Variants in CSMD1 observed in about 807,000 individuals in gnomAD.
CSMD1 encodes the protein CUB and sushi domain-containing protein 1.
CSMD1 carries 213 observed loss-of-function variants against 417.5 expected under a neutral mutation model. The observed-to-expected ratio is 0.51, with a 90% CI of 0.46 to 0.57. The LOEUF is 0.57. CSMD1 is among the 20% of genes least tolerant of loss of function. CSMD1 has a pLI of 0.00. For missense variants in CSMD1, 6,923 were observed against 4,529.7 expected, an observed-to-expected ratio of 1.53 and a Z score of -15.17; for synonymous variants, 2,862 against 1,736.8, an observed-to-expected ratio of 1.65 and a Z score of -16.11.
At chr8:3,845,076 T>A (rs1309264346) in intron 5 of CSMD1, among the ~76,000 whole-genome samples, 1 of 152,180 alleles carries the variant, frequency 6.6e-6, no homozygotes, top group African/African-American at 2.4e-5. Flanking sequence ...ATATTATAGT[T>A]TAAAATGCAT....
At chr8:4,113,060 A>G (rs138136005) in intron 3 of CSMD1, among the ~76,000 whole-genome samples, 19 of 152,294 alleles carry the variant, frequency 1.2e-4, no homozygotes, top group Non-Finnish European at 2.8e-4. Flanking sequence ...TGGGGATGCC[A>G]CAAACACCCC....
intron 3 of CSMD1, among the ~76,000 whole-genome samples, chr8:4,403,510 C>T (rs1257753204): frequency 6.6e-6 from 1 of 152,152 alleles, no homozygotes; most frequent in Non-Finnish European, 1.5e-5. Flanking sequence ...CACCTCTCCT[C>T]ATCAGTCATG....
rs1455553227 is a variant in CSMD1, at chr8:3,983,167, G to A, written c.818+14736C>T. On this transcript the variant is annotated intron_variant, in intron 5 of 69. Coordinates refer to ENST00000635120, the MANE Select transcript of CSMD1 (RefSeq NM_033225.6). ...TTTTTTTGAGACGGACTCTCGCTCT[G>A]TCACCCAGGCTGGAGTGCAGTGGCG... Among the ~76,000 whole-genome samples, 16 of 135,160 alleles carry A rather than the reference G, an allele frequency of 1.2e-4. No individual in the cohort carries two copies. In the Admixed American group the frequency reaches 1.3e-3, roughly 11 times the overall value. 88.7% of individuals were successfully genotyped at this position (135,160 alleles called of 152,430 possible). A position where few individuals can be genotyped will look rare whatever the true frequency, so the allele number is the denominator to read the frequency against.
rs532046970 is a variant in CSMD1, at chr8:4,431,325, T to A, written c.303-11260A>T. Reference sequence around the variant, plus strand: ...CTGTATTTTTACTTCGTGATTTTCTTAAGGGTGAACCTAACGTCTATAAAA... The same window carrying A: ...CTGTATTTTTACTTCGTGATTTTCTAAAGGGTGAACCTAACGTCTATAAAA... On this transcript the variant is annotated intron_variant, in intron 2 of 69. Coordinates refer to ENST00000635120, the MANE Select transcript of CSMD1 (RefSeq NM_033225.6). 7.2e-4 allele frequency among the ~76,000 whole-genome samples: 109 copies of A among 152,324 alleles called. 3 individuals carry two copies. In the South Asian group the frequency reaches 0.013, roughly 19 times the overall value.
At chr8:4,412,995 A>T (rs924661431) in intron 3 of CSMD1, among the ~76,000 whole-genome samples, 5 of 152,352 alleles carry the variant, frequency 3.3e-5, no homozygotes, top group Non-Finnish European at 7.3e-5. Context: ...TTCAGTAGTT[A>T]TGAGATTTTT....
intron 6 of CSMD1, among the ~76,000 whole-genome samples, chr8:3,721,105 G>A (rs967946425): frequency 6.6e-6 from 1 of 152,130 alleles, no homozygotes; most frequent in African/African-American, 2.4e-5. Flanking sequence ...TTACAGGTGT[G>A]AGCCACCATG....
At chr8:4,057,973 C>A (rs543678549) in intron 3 of CSMD1, among the ~76,000 whole-genome samples, 1 of 150,952 alleles carries the variant, frequency 6.6e-6, no homozygotes, top group Non-Finnish European at 1.5e-5. Context: ...AGGGTGATGC[C>A]TCCAGCTTTG....
intron 3 of CSMD1, among the ~76,000 whole-genome samples, chr8:4,042,447 G>T (rs1024549045): frequency 6.6e-6 from 1 of 151,950 alleles, no homozygotes; most frequent in Non-Finnish European, 1.5e-5. Flanking sequence ...AAATTTATAT[G>T]ACAAAAATAT....
At chr8:4,019,755 A>T (rs1291048933) in intron 4 of CSMD1, among the ~76,000 whole-genome samples, 4 of 151,968 alleles carry the variant, frequency 2.6e-5, no homozygotes, top group Non-Finnish European at 4.4e-5. Flanking sequence ...AGTTTTCCCA[A>T]TATTTCTGTC....
intron 12 of CSMD1, among the ~76,000 whole-genome samples, chr8:3,419,707 C>G (rs923224099): frequency 1.3e-5 from 2 of 152,158 alleles, no homozygotes; most frequent in Non-Finnish European, 2.9e-5. Context: ...CTACAACGTT[C>G]TAATCAAATA....
chr8:4,442,631 G>A (rs1367514022), intron 2 of CSMD1, among the ~76,000 whole-genome samples: 1 of 152,190 alleles, frequency 6.6e-6, no homozygotes, highest in Non-Finnish European at 1.5e-5. Flanking sequence ...CCTCTGGATT[G>A]CTGGGGATTC....
chr8:3,412,836 G>A (rs1179973099), intron 12 of CSMD1, among the ~76,000 whole-genome samples: 3 of 152,242 alleles, frequency 2.0e-5, no homozygotes, highest in Admixed American at 6.5e-5. Flanking sequence ...CCTTGAATGA[G>A]CGTCTGTCAC....
chr8:4,218,492 T>G (rs1031987355), intron 3 of CSMD1, among the ~76,000 whole-genome samples: 2 of 152,218 alleles, frequency 1.3e-5, no homozygotes, highest in African/African-American at 2.4e-5. Flanking sequence ...CTGTATGATC[T>G]TTTTCTAATA....
At chr8:3,394,106 G>C (rs1389510092) in intron 17 of CSMD1, among the ~76,000 whole-genome samples, 1 of 139,870 alleles carries the variant, frequency 7.1e-6, no homozygotes, top group Non-Finnish European at 1.5e-5. Context: ...GGTACTCCAG[G>C]TGATGGAAGA....
chr8:3,187,722 A>T (rs142653353), intron 36 of CSMD1, 147 bp downstream of exon 36: 1 of 609,280 alleles, frequency 1.6e-6, no homozygotes, highest in African/African-American at 1.9e-5. Context: ...GTCTTACTCT[A>T]AGACTTTCAG....
intron 5 of CSMD1, among the ~76,000 whole-genome samples, chr8:3,949,449 G>T (rs572688729): frequency 1.3e-5 from 2 of 152,086 alleles, no homozygotes; most frequent in Admixed American, 6.5e-5. Flanking sequence ...ACAATTTAAG[G>T]AAAAGGATAC....
At chr8:3,766,670 AT>A (rs1400524672) in intron 5 of CSMD1, among the ~76,000 whole-genome samples, 2 of 152,032 alleles carry the variant, frequency 1.3e-5, no homozygotes, top group Non-Finnish European at 2.9e-5. Context: ...AAAGAAAATA[AT>A]TTAAAAAAAA....
chr8:3,589,396 G>C (rs533193500), intron 8 of CSMD1, among the ~76,000 whole-genome samples: 72 of 152,070 alleles, frequency 4.7e-4, no homozygotes, highest in African/African-American at 1.7e-3. Flanking sequence ...GTGTGTGTGT[G>C]TGTGTGTGTT....
At chr8:4,099,905 A>C (rs745535628) in intron 3 of CSMD1, among the ~76,000 whole-genome samples, 3 of 152,168 alleles carry the variant, frequency 2.0e-5, no homozygotes, top group Admixed American at 6.5e-5. Context: ...AGACATGGAG[A>C]CTTTTCTAAC....
Sources: allele counts gnomAD v4.1 joint callset (sites outside exome capture counted in the v4.1 genomes callset), GRCh38; gene constraint gnomAD v4.1.1; transcripts MANE v1.5; gene names NCBI Gene and HGNC (gene_info 2026-07-23, HGNC 2026-07-21).